NRCAM: variants seen among roughly 807,000 people sequenced by gnomAD.
NRCAM encodes the protein neuronal cell adhesion molecule.
Under a neutral mutation model 156.5 loss-of-function variants are expected in NRCAM, and 83 were observed. The ratio of observed to expected loss-of-function variants is 0.53; its 90% CI spans 0.44 to 0.64. NRCAM has a LOEUF of 0.64. Ranked by LOEUF, NRCAM falls within the 30% of genes least tolerant of loss-of-function variation. The pLI is 0.00. For synonymous variants in NRCAM, 538 were observed against 563.9 expected (o/e 0.95, Z 0.65); for missense variants, 1,417 against 1,597.3 (o/e 0.89, Z 1.92).
At chr7:108,407,284 T>C (rs1596753108) in intron 1 of NRCAM, among the ~76,000 whole-genome samples, 2 of 152,206 alleles carry the variant, frequency 1.3e-5, no homozygotes, top group Non-Finnish European at 1.5e-5. Flanking sequence ...TATTCTACCA[T>C]ATAAAGAAAC....
intron 1 of NRCAM, among the ~76,000 whole-genome samples, chr7:108,405,626 A>T (rs2099805097): frequency 6.6e-6 from 1 of 152,232 alleles, no homozygotes; most frequent in African/African-American, 2.4e-5. Flanking sequence ...ATTTCTGCTC[A>T]AAGAGTTAAG....
At chr7:108,432,327 C>T (rs1226797706) in intron 1 of NRCAM, among the ~76,000 whole-genome samples, 1 of 152,168 alleles carries the variant, frequency 6.6e-6, no homozygotes, top group Non-Finnish European at 1.5e-5. Flanking sequence ...GATTAGAATC[C>T]TGTAAATTAT....
chr7:108,200,583 T>C (rs1012196210), intron 13 of NRCAM, among the ~76,000 whole-genome samples: 2 of 152,148 alleles, frequency 1.3e-5, no homozygotes, highest in Admixed American at 1.3e-4. Flanking sequence ...CAAAGCAGCA[T>C]TTCTGGAGAC....
chr7:108,440,649 T>TA (rs1837489387), intron 1 of NRCAM, among the ~76,000 whole-genome samples: 1 of 152,198 alleles, frequency 6.6e-6, no homozygotes, highest in Non-Finnish European at 1.5e-5. Context: ...ATTGCTCTGC[T>TA]AGGGAGTGGC....
At chr7:108,160,229 T>A in intron 31 of NRCAM, 132 bp downstream of exon 31, 1 of 816,294 alleles carries the variant, frequency 1.2e-6, no homozygotes, top group Middle Eastern at 3.3e-4. Context: ...CAAAAGTCAT[T>A]TGAAGAGAAA....
At chr7:108,297,013 A>G (rs967075188) in intron 3 of NRCAM, among the ~76,000 whole-genome samples, 1 of 152,218 alleles carries the variant, frequency 6.6e-6, no homozygotes, top group African/African-American at 2.4e-5. Flanking sequence ...TACTTAAAAT[A>G]TATGTGGCTG....
At chr7:108,228,543 A>G (rs2093841155) in intron 8 of NRCAM, among the ~76,000 whole-genome samples, 1 of 152,338 alleles carries the variant, frequency 6.6e-6, no homozygotes, top group South Asian at 2.1e-4. Context: ...ACTTAATGTC[A>G]TCTTGCAAGA....
rs1453095681 is a variant in NRCAM, at chr7:108,391,129, A to G, written c.-174+8307T>C. ...CTGAGTTCAATTCCTGGATATCCCT[A>G]TTAACTTTCTGTCTTGTTGATCTGT... On this transcript the variant is annotated intron_variant, in intron 2 of 32. Coordinates refer to ENST00000379028, the MANE Select transcript of NRCAM (RefSeq NM_001037132.4). 1.2e-4 allele frequency among the ~76,000 whole-genome samples: 19 copies of G among 152,096 alleles called. No homozygotes were observed. In the East Asian group the frequency reaches 3.7e-3, roughly 29 times the overall value.
At chr7:108,388,689 T>C in intron 2 of NRCAM, among the ~76,000 whole-genome samples, 1 of 152,252 alleles carries the variant, frequency 6.6e-6, no homozygotes, top group Non-Finnish European at 1.5e-5. Flanking sequence ...TTTTATGGTT[T>C]TAGGTCTAAC....
intron 10 of NRCAM, among the ~76,000 whole-genome samples, chr7:108,225,372 G>T (rs974478128): frequency 6.6e-6 from 1 of 152,138 alleles, no homozygotes; most frequent in African/African-American, 2.4e-5. Context: ...CTGAACGTAC[G>T]TGAAAGGTTT....
rs770641236 is a variant in NRCAM, at chr7:108,191,241, C to T, written c.1933+13G>A. ...TGACAGAAAACAGAGAAAGAAGACTCATATTAGTTTACCGTAAACGGGAGC... is the reference window on the plus strand; with the variant it reads ...TGACAGAAAACAGAGAAAGAAGACTTATATTAGTTTACCGTAAACGGGAGC... On this transcript the variant is annotated intron_variant, in intron 19 of 32. Coordinates refer to ENST00000379028, the MANE Select transcript of NRCAM (RefSeq NM_001037132.4). 2 of 1,599,094 alleles carry T rather than the reference C, an allele frequency of 1.3e-6. No individual in the cohort carries two copies. Among genetic ancestry groups the T allele is most frequent in the South Asian group, 1.1e-5 (1 of 88,504 alleles).
chr7:108,316,812 G>C (rs565444426), intron 2 of NRCAM, among the ~76,000 whole-genome samples: 181 of 151,090 alleles, frequency 1.2e-3, no homozygotes, highest in African/African-American at 4.2e-3. Context: ...AAGAAACCTA[G>C]AAGTTCAGTG....
chr7:108,230,959 GTAA>G, intron 8 of NRCAM, 69 bp downstream of exon 8: 1 of 1,174,738 alleles, frequency 8.5e-7, no homozygotes, highest in East Asian at 2.5e-5. Context: ...ATCATAAGAG[GTAA>G]TAATGTATTA....
At chr7:108,162,960 G>C (rs1458169983) in intron 30 of NRCAM, among the ~76,000 whole-genome samples, 4 of 152,012 alleles carry the variant, frequency 2.6e-5, no homozygotes, top group Admixed American at 2.6e-4. Context: ...AAAATCACCT[G>C]GGACATACAA....
chr7:108,195,262 C>T (rs1179506701), intron 15 of NRCAM, among the ~76,000 whole-genome samples: 2 of 152,102 alleles, frequency 1.3e-5, no homozygotes, highest in Non-Finnish European at 2.9e-5. Flanking sequence ...ATAGATTATA[C>T]ACATGAAAGT....
chr7:108,375,187 T>C (rs2099668966), intron 2 of NRCAM, among the ~76,000 whole-genome samples: 1 of 152,122 alleles, frequency 6.6e-6, no homozygotes, highest in Admixed American at 6.5e-5. Context: ...TATTTCCTCC[T>C]TGTAGTCCAT....
At chr7:108,262,283 A>C (rs971642657) in intron 3 of NRCAM, among the ~76,000 whole-genome samples, 3 of 151,096 alleles carry the variant, frequency 2.0e-5, no homozygotes, top group Non-Finnish European at 3.0e-5. Context: ...TGCACCCACC[A>C]CCTCCCCGAC....
chr7:108,191,275 G>C lies in NRCAM; in HGVS notation c.1912C>G (p.Pro638Ala). ...SAVLSVVAPT[P>A]TPAPVYDVPN... is the part of the protein sequence containing the mutation. ...TTACCGTAAACGGGAGCTGGAGTTG[G>C]AGTAGGAGCTAGAAAGGACATTAAT... The change falls in exon 19 of 33, where the codon CCA becomes GCA. Residue 638 changes from proline (P) to alanine (A), a missense_variant. Pro to Ala is a conservative substitution (Grantham distance 27, BLOSUM62 -1). Transcript: ENST00000379028. 6.2e-7 allele frequency: 1 copy of C among 1,604,238 alleles called. No individual in the cohort carries two copies. Among genetic ancestry groups the C allele is most frequent in the Non-Finnish European group, 8.5e-7 (1 of 1,174,542 alleles).
intron 3 of NRCAM, among the ~76,000 whole-genome samples, chr7:108,257,191 G>A (rs2096717693): frequency 6.6e-6 from 1 of 152,004 alleles, no homozygotes; most frequent in Non-Finnish European, 1.5e-5. Context: ...CTGGGGCCTG[G>A]GGTAGGAGAG....
Sources: gnomAD v4.1 joint callset for allele counts (sites outside exome capture counted in the v4.1 genomes callset) on GRCh38, gnomAD v4.1.1 for gene constraint, MANE v1.5 for transcripts, NCBI Gene and HGNC (gene_info 2026-07-23, HGNC 2026-07-21) for gene names.